Variants in VCL observed in about 807,000 individuals in gnomAD.
VCL encodes the protein epididymis luminal protein 114.
A neutral mutation model predicts 125.7 loss-of-function variants in VCL; 47 were observed. The ratio of observed to expected loss-of-function variants is 0.37; its 90% CI spans 0.30 to 0.48. The LOEUF is 0.48. VCL is among the 20% of genes least tolerant of loss of function. VCL has a pLI of 0.99. For missense variants in VCL, 1,069 were observed against 1,455.5 expected (o/e 0.73, Z 4.32); for synonymous variants, 458 against 514.6 (o/e 0.89, Z 1.49).
At chr10:74,080,972 T>C (rs1839665698) in intron 6 of VCL, among the ~76,000 whole-genome samples, 1 of 152,248 alleles carries the variant, frequency 6.6e-6, no homozygotes, top group Non-Finnish European at 1.5e-5. Flanking sequence ...GATTTGCTGA[T>C]ATTCAAACCA....
In VCL at chr10:74,017,046, C is replaced by CTTTTTTT. The variant is rs549275362; in HGVS notation, c.168+18684_168+18690dup. ...TGTAGCATATGTCAGAATTTCCTTC[C>CTTTTTTT]TTTTTTTTTTTTTTTTTTTGAGACG... On this transcript the variant is annotated intron_variant, in intron 1 of 21. Transcript: ENST00000211998. Among the ~76,000 whole-genome samples the CTTTTTTT allele has an allele frequency of 2.4e-3, 269 of 113,092 alleles. 34 individuals carry two copies. The highest frequency in any genetic ancestry group is 0.01 in the African/African-American group (244 of 24,244). 74.2% of individuals were successfully genotyped at this position (113,092 alleles called of 152,430 possible). A position where few individuals can be genotyped will look rare whatever the true frequency, so the allele number is the denominator to read the frequency against.
Position 74,105,363 on chromosome 10 carries a change from G to T in VCL, c.2434+10G>T. ...AACATTTCCGACCCTGGTAAGCAATGCATGGCACTATGTCTCACCTCCACT... is the reference window on the plus strand; with the variant it reads ...AACATTTCCGACCCTGGTAAGCAATTCATGGCACTATGTCTCACCTCCACT... On this transcript the variant is annotated intron_variant, in intron 16 of 21. Transcript: ENST00000211998. The T allele has an allele frequency of 1.2e-6, 2 of 1,612,038 alleles. No individual in the cohort carries two copies. The highest frequency in any genetic ancestry group is 1.7e-6 in the Non-Finnish European group (2 of 1,179,900).
At position 74,118,304 on chromosome 10, in the gene VCL, G is replaced by A; in HGVS notation, c.*135G>A. The A allele has an allele frequency of 2.8e-6, 3 of 1,057,378 alleles. No homozygotes were observed. Among genetic ancestry groups the A allele is most frequent in the Non-Finnish European group, 4.2e-6 (3 of 706,396 alleles). 65.5% of individuals were successfully genotyped at this position (1,057,378 alleles called of 1,614,324 possible). The stretch of plus-strand genomic sequence containing the variant: ...CCTGGCACATCAGAAAGGAATGGGG[G>A]CCTCTTCAAATTAGAAGACATTTAT... On this transcript the variant is annotated 3_prime_UTR_variant, in exon 22 of 22. Transcript: ENST00000211998.
intron 1 of VCL, among the ~76,000 whole-genome samples, chr10:74,017,329 G>C (rs1840566404): frequency 6.6e-6 from 1 of 152,030 alleles, no homozygotes; most frequent in Non-Finnish European, 1.5e-5. Flanking sequence ...TTACAGGCGT[G>C]AGCCACCGCG....
At chr10:74,060,246 A>G (rs1841458388) in intron 2 of VCL, among the ~76,000 whole-genome samples, 1 of 152,170 alleles carries the variant, frequency 6.6e-6, no homozygotes, top group African/African-American at 2.4e-5. Context: ...TTGAGGCTAC[A>G]GTGAGCTGTG....
intron 1 of VCL, among the ~76,000 whole-genome samples, chr10:74,007,912 C>T (rs916472825): frequency 2.0e-5 from 3 of 151,974 alleles, no homozygotes; most frequent in Admixed American, 2.0e-4. Flanking sequence ...AAGTGATTCT[C>T]CTGCCTCAGC....
chr10:74,111,446 C>T (rs961367549), intron 18 of VCL, among the ~76,000 whole-genome samples: 1 of 152,190 alleles, frequency 6.6e-6, no homozygotes, highest in Non-Finnish European at 1.5e-5. Context: ...ACCATATGAT[C>T]CAGCAGTGTT....
At chr10:74,014,398 A>T (rs1565633478) in intron 1 of VCL, among the ~76,000 whole-genome samples, 3 of 151,424 alleles carry the variant, frequency 2.0e-5, no homozygotes, top group Admixed American at 6.6e-5. Flanking sequence ...TGCCTGGCTA[A>T]TTTTTTTTGT....
chr10:74,038,416 A>G (rs1841028579), intron 1 of VCL, among the ~76,000 whole-genome samples: 1 of 152,206 alleles, frequency 6.6e-6, no homozygotes, highest in Non-Finnish European at 1.5e-5. Context: ...CAGCACTGCC[A>G]AAAATCAATT....
intron 1 of VCL, among the ~76,000 whole-genome samples, chr10:74,006,662 A>G (rs1395679047): frequency 6.6e-6 from 1 of 152,192 alleles, no homozygotes; most frequent in Non-Finnish European, 1.5e-5. Context: ...TCCACATCTG[A>G]CCTCATGATA....
chr10:74,116,363 G>A (rs903349547), intron 21 of VCL, among the ~76,000 whole-genome samples: 19 of 152,036 alleles, frequency 1.2e-4, no homozygotes, highest in Non-Finnish European at 2.5e-4. Flanking sequence ...TGCACACTTC[G>A]CTGTTTCTAT....
At chr10:74,020,641 G>A (rs1458919685) in intron 1 of VCL, among the ~76,000 whole-genome samples, 1 of 152,048 alleles carries the variant, frequency 6.6e-6, no homozygotes, top group Non-Finnish European at 1.5e-5. Context: ...AGGAGTTTGA[G>A]AGCAGCCTGG....
intron 18 of VCL, among the ~76,000 whole-genome samples, chr10:74,109,505 T>C (rs538653669): frequency 2.6e-5 from 4 of 152,340 alleles, no homozygotes; most frequent in South Asian, 2.1e-4. Flanking sequence ...AGATGCTACA[T>C]TGCTAATGAT....
intron 13 of VCL, among the ~76,000 whole-genome samples, chr10:74,098,303 C>G (rs1840002789): frequency 6.6e-6 from 1 of 152,198 alleles, no homozygotes; most frequent in Non-Finnish European, 1.5e-5. Flanking sequence ...CACCACCACC[C>G]CAACTACTAT....
At chr10:74,104,423 C>T (rs1840102671) in intron 15 of VCL, among the ~76,000 whole-genome samples, 1 of 152,046 alleles carries the variant, frequency 6.6e-6, no homozygotes, top group South Asian at 2.1e-4. Flanking sequence ...TGTGTCTGTG[C>T]AATTGAAGTG....
intron 19 of VCL, 64 bp from the exon 20 acceptor site, chr10:74,114,120 C>T (rs1840273261): frequency 1.9e-6 from 3 of 1,588,918 alleles, no homozygotes; most frequent in Admixed American, 1.7e-5. Context: ...CTGTGCTTCT[C>T]CTTCCTTCCT....
In VCL at chr10:74,119,606, T is replaced by C. The variant is rs1840373171; in HGVS notation, c.*1437T>C. ...TCCCAGCACATGAAACCTTATTTTT[T>C]CCCAAAGCCAGAACCAGATGAGTAA... is the stretch of plus-strand genomic sequence containing the variant. On this transcript the variant is annotated 3_prime_UTR_variant, in exon 22 of 22. Coordinates refer to ENST00000211998, the MANE Select transcript of VCL (RefSeq NM_014000.3). 1 of 152,220 alleles carries C rather than the reference T, an allele frequency of 6.6e-6. No individual in the cohort carries two copies. Among genetic ancestry groups the C allele is most frequent in the South Asian group, 2.1e-4 (1 of 4,824 alleles). The allele number at this position is 152,220 out of a possible 1,614,324, so 9.4% of individuals were successfully genotyped here. A position where few individuals can be genotyped will look rare whatever the true frequency, so the allele number is the denominator to read the frequency against.
intron 2 of VCL, among the ~76,000 whole-genome samples, chr10:74,053,506 G>A (rs555057382): frequency 5.9e-5 from 9 of 151,866 alleles, no homozygotes; most frequent in African/African-American, 2.2e-4. Context: ...TTCCCACAAA[G>A]ATCTATTTCA....
At chr10:74,066,061 A>ATATATATAT (rs1441211975) in intron 2 of VCL, among the ~76,000 whole-genome samples, 1,829 of 137,422 alleles carry the variant, frequency 0.013, 53 homozygotes, top group African/African-American at 0.045. Context: ...ATATATATAT[A>ATATATATAT]TTTTTTTTTT....
Sources: gnomAD v4.1 joint callset for allele counts (sites outside exome capture counted in the v4.1 genomes callset) on GRCh38, gnomAD v4.1.1 for gene constraint, MANE v1.5 for transcripts, NCBI Gene and HGNC (gene_info 2026-07-23, HGNC 2026-07-21) for gene names.